The following XRN1 variants were observed in gnomAD, a reference collection of about 807,000 sequenced individuals.
XRN1 encodes the protein 5'-3' exoribonuclease 1.
XRN1 carries 67 observed loss-of-function variants against 222.3 expected under a neutral mutation model. The ratio of observed to expected loss-of-function variants is 0.30; its 90% confidence interval spans 0.25 to 0.37. XRN1 has a LOEUF of 0.37. Among genes scored for constraint, XRN1 ranks in the 10% least tolerant of loss-of-function variants. The pLI, the probability that XRN1 is intolerant of heterozygous loss-of-function variation, is 1.00. For missense variants in XRN1, 1,707 were observed against 2,000.2 expected (o/e 0.85, Z 2.80); for synonymous variants, 643 against 652.4 (o/e 0.99, Z 0.22).
At chr3:142,420,977 C>T (rs2069003607) in intron 10 of XRN1, 39 bp downstream of exon 10, 3 of 1,609,026 alleles carry the variant, frequency 1.9e-6, no homozygotes, top group Non-Finnish European at 2.5e-6. Flanking sequence ...TTTGCCTTTA[C>T]AGTTAAAACA....
At chr3:142,313,426 GT>G (rs2065127732) in intron 39 of XRN1, among the ~76,000 whole-genome samples, 1 of 152,188 alleles carries the variant, frequency 6.6e-6, no homozygotes, top group Non-Finnish European at 1.5e-5. Context: ...GGGCCCTGGA[GT>G]TTGTATTAAG....
In XRN1 at chr3:142,403,673, C is replaced by A; in HGVS notation, c.2103+1G>T. On this transcript the variant is annotated splice_donor_variant, in intron 18 of 40. Coordinates refer to ENST00000392981, the MANE Select transcript of XRN1 (RefSeq NM_001282857.2). LOFTEE classifies it high-confidence loss of function. ...AAATGAATGATAAATAAAATACTTACAAGTTCATCTGATTCTGCATCCACT... is the reference window on the plus strand; with the variant it reads ...AAATGAATGATAAATAAAATACTTAAAAGTTCATCTGATTCTGCATCCACT... 1 of 1,611,174 alleles carries A rather than the reference C, an allele frequency of 6.2e-7. No individual in the cohort carries two copies. Among genetic ancestry groups the A allele is most frequent in the East Asian group, 2.2e-5 (1 of 44,766 alleles).
chr3:142,362,982 C>T (rs1380786621), intron 29 of XRN1, among the ~76,000 whole-genome samples: 2 of 151,768 alleles, frequency 1.3e-5, no homozygotes, highest in South Asian at 2.1e-4. Flanking sequence ...ACGTTGTTAC[C>T]CAGGCTGGTC....
rs1559811704 is a variant in XRN1, at chr3:142,356,923, C to T, written c.3661G>A (p.Val1221Ile). 4 of 1,613,790 alleles carry T rather than the reference C, an allele frequency of 2.5e-6. No individual in the cohort carries two copies. Among genetic ancestry groups the T allele is most frequent in the Non-Finnish European group, 3.4e-6 (4 of 1,179,936 alleles). The part of the protein sequence containing the change: ...ALNHSPQSLF[V>I]PTQVPTKDDD... ...ACTGAGAGTCTTACTTGAGTAGGAACAAAAAGTGATTGAGGGGAATGGTTG... is the reference window on the plus strand; with the variant it reads ...ACTGAGAGTCTTACTTGAGTAGGAATAAAAAGTGATTGAGGGGAATGGTTG... Residue 1221 changes from valine (V) to isoleucine (I), a missense_variant, in exon 31 of 41, where the codon GTT (valine) becomes ATT (isoleucine). Coordinates refer to ENST00000392981, the MANE Select transcript of XRN1 (RefSeq NM_001282857.2).
intron 34 of XRN1, among the ~76,000 whole-genome samples, chr3:142,333,692 T>C (rs753422355): frequency 6.6e-6 from 1 of 152,160 alleles, no homozygotes; most frequent in African/African-American, 2.4e-5. Context: ...TAAGTTTAGA[T>C]GAGGTCTTTA....
At chr3:142,379,944 C>T in intron 23 of XRN1, 138 bp downstream of exon 23, 1 of 654,652 alleles carries the variant, frequency 1.5e-6, no homozygotes, top group East Asian at 2.8e-5. Context: ...TTTTTAAATA[C>T]CAGATGCAAC....
intron 3 of XRN1, 147 bp from the exon 4 acceptor site, chr3:142,425,685 T>C (rs570180562): frequency 3.1e-6 from 2 of 642,296 alleles, no homozygotes; most frequent in South Asian, 2.1e-5. Context: ...CTCTTGCTTA[T>C]CCTGAAAAAC....
At chr3:142,324,618 G>A (rs556162329) in intron 37 of XRN1, among the ~76,000 whole-genome samples, 10 of 151,784 alleles carry the variant, frequency 6.6e-5, no homozygotes, top group African/African-American at 2.4e-4. Flanking sequence ...CCCAGTAATG[G>A]GATGGCTGGG....
chr3:142,425,420 GATA>G lies in XRN1; in HGVS notation c.516+6_516+8del, dbSNP rs2069205224. The stretch of plus-strand genomic sequence containing the variant: ...TTTTTAAACTCTTTAAATAAAAAAA[GATA>G]ATAACCTCATGGCCTGAGAAGTAGA... On this transcript the variant is annotated splice_donor_region_variant and intron_variant, in intron 4 of 40. Coordinates refer to ENST00000392981, the MANE Select transcript of XRN1 (RefSeq NM_001282857.2). The G allele has an allele frequency of 6.3e-7, 1 of 1,598,256 alleles. No individual in the cohort carries two copies. Among genetic ancestry groups the G allele is most frequent in the Non-Finnish European group, 8.5e-7 (1 of 1,172,272 alleles).
At chr3:142,400,676 T>C (rs1330187753) in intron 18 of XRN1, 129 bp from the exon 19 acceptor site, 1 of 624,830 alleles carries the variant, frequency 1.6e-6, no homozygotes, top group Non-Finnish European at 2.8e-6. Flanking sequence ...CCGGGTGCAG[T>C]GACTCACACC....
intron 13 of XRN1, 122 bp downstream of exon 13, chr3:142,417,016 GAA>G (rs11291353): frequency 0.19 from 59,372 of 307,430 alleles, 270 homozygotes; most frequent in South Asian, 0.22. Flanking sequence ...GCAACAGAGT[GAA>G]AAAAAAAAAA....
chr3:142,416,704 T>C (rs766894778), intron 13 of XRN1, among the ~76,000 whole-genome samples: 33 of 152,196 alleles, frequency 2.2e-4, no homozygotes, highest in Non-Finnish European at 4.6e-4. Flanking sequence ...CTATGTTTCA[T>C]TTAAACCTGG....
intron 13 of XRN1, among the ~76,000 whole-genome samples, chr3:142,415,906 G>A (rs532202372): frequency 1.3e-5 from 2 of 152,218 alleles, no homozygotes; most frequent in East Asian, 3.9e-4. Context: ...TGAAAATGCA[G>A]ATGGGATTTG....
At chr3:142,426,723 T>G (rs2069268553) in intron 3 of XRN1, 21 bp downstream of exon 3, 1 of 1,586,626 alleles carries the variant, frequency 6.3e-7, no homozygotes, top group Admixed American at 1.8e-5. Flanking sequence ...TCTGTCATAA[T>G]TTGTCTCTCA....
rs750251460 is a variant in XRN1, at chr3:142,403,983, T to C, written c.1890A>G (p.Lys630=). ...PAIERCCTRY[K]IISLDAWRVD... Reference sequence around the variant, plus strand: ...CACGCCAAGCATCTAAGGATATTATTTTATACCTAGAAAATAAATCAAGGC... The same window carrying C: ...CACGCCAAGCATCTAAGGATATTATCTTATACCTAGAAAATAAATCAAGGC... Residue 630 remains lysine, a synonymous_variant, in exon 17 of 41, where the codon AAA becomes AAG. Coordinates refer to ENST00000392981, the MANE Select transcript of XRN1 (RefSeq NM_001282857.2). The C allele has an allele frequency of 6.4e-6, 10 of 1,568,348 alleles. No homozygotes were observed. Among genetic ancestry groups the C allele is most frequent in the Non-Finnish European group, 8.7e-6 (10 of 1,143,748 alleles).
At chr3:142,373,027 C>T (rs2067031938) in intron 25 of XRN1, among the ~76,000 whole-genome samples, 2 of 151,980 alleles carry the variant, frequency 1.3e-5, no homozygotes, top group Admixed American at 1.3e-4. Flanking sequence ...GATCATCAGA[C>T]AAGAACAACA....
rs79308860 is a variant in XRN1 at position 142,446,404 on chromosome 3, T to A, written c.75+1466A>T. On this transcript the variant is annotated intron_variant, in intron 1 of 40. Coordinates refer to ENST00000392981, the MANE Select transcript of XRN1 (RefSeq NM_001282857.2). ...ATTTAAAAATAATTCTCCTCCCAGT[T>A]TCTATATAAAGCTTTCACAAAACCT... 0.012 allele frequency among the ~76,000 whole-genome samples: 1,809 copies of A among 152,302 alleles called. 61 individuals are homozygous for A. The East Asian group carries it at 0.13, about 11-fold the overall frequency.
intron 29 of XRN1, among the ~76,000 whole-genome samples, chr3:142,362,152 T>C (rs2066658560): frequency 6.6e-6 from 1 of 151,546 alleles, no homozygotes; most frequent in African/African-American, 2.4e-5. Flanking sequence ...TATATATATT[T>C]TTTGAGATGG....
chr3:142,368,349 A>G (rs2066883160), intron 27 of XRN1, among the ~76,000 whole-genome samples: 1 of 152,088 alleles, frequency 6.6e-6, no homozygotes, highest in East Asian at 1.9e-4. Flanking sequence ...GGGTTTCACC[A>G]TGTTGGCCAG....
Sources: gnomAD v4.1 joint callset for allele counts (sites outside exome capture counted in the v4.1 genomes callset) on GRCh38, gnomAD v4.1.1 for gene constraint, MANE v1.5 for transcripts, NCBI Gene and HGNC (gene_info 2026-07-23, HGNC 2026-07-21) for gene names.